The following CISD2 variants were observed in gnomAD, a reference collection of about 807,000 sequenced individuals.
The protein encoded by CISD2 is CDGSH iron sulfur domain 2.
A neutral mutation model predicts 12.9 loss-of-function variants in CISD2; 1 was observed. The ratio of observed to expected loss-of-function variants is 0.08; its 90% CI spans 0.03 to 0.37. The LOEUF is 0.37. Ranked by LOEUF, CISD2 falls within the 10% of genes least tolerant of loss-of-function variation. The probability of loss-of-function intolerance (pLI) is 0.99; values close to 1 mark genes in which losing one functional copy is unlikely to be tolerated. For synonymous variants in CISD2, 50 were observed against 60.6 expected (o/e 0.83, Z 0.81); for missense variants, 97 against 163.1 (o/e 0.59, Z 2.21).
At chr4:102,872,923 G>A (rs1326096739) in intron 1 of CISD2, among the ~76,000 whole-genome samples, 1 of 152,310 alleles carries the variant, frequency 6.6e-6, no homozygotes, top group Admixed American at 6.5e-5. Flanking sequence ...AAGGAAAGAG[G>A]TTTAATCCAC....
rs761904932 is a variant in CISD2, at chr4:102,872,892, C to T, written c.103+3705C>T. On this transcript the variant is annotated intron_variant, in intron 1 of 2. Transcript: ENST00000273986. ...GTTTTCATACTGCTATAAAGAACTA[C>T]GCAAGACTGGGTAATTTATAAAGGA... Among the ~76,000 whole-genome samples, 25 of 152,276 alleles carry T rather than the reference C, an allele frequency of 1.6e-4. No individual in the cohort carries two copies. In the Middle Eastern group the frequency reaches 0.01, roughly 62 times the overall value.
chr4:102,886,589 A>AT (rs1733931360), intron 2 of CISD2, among the ~76,000 whole-genome samples: 2 of 152,090 alleles, frequency 1.3e-5, no homozygotes, highest in Non-Finnish European at 2.9e-5. Context: ...TTATGAGTGA[A>AT]TTTTTTAAAA....
At chr4:102,885,484 G>A (rs988637134) in intron 2 of CISD2, 54 bp downstream of exon 2, 40 of 1,371,814 alleles carry the variant, frequency 2.9e-5, no homozygotes, top group Non-Finnish European at 3.6e-5. Context: ...GGATTGTTTC[G>A]CCTCTTAAAT....
At chr4:102,870,020 T>C (rs1343030994) in intron 1 of CISD2, among the ~76,000 whole-genome samples, 1 of 152,194 alleles carries the variant, frequency 6.6e-6, no homozygotes, top group Non-Finnish European at 1.5e-5. Context: ...GGGGGATATT[T>C]CTAAACGGAA....
chr4:102,873,048 G>T (rs1442210435), intron 1 of CISD2, among the ~76,000 whole-genome samples: 2 of 152,114 alleles, frequency 1.3e-5, no homozygotes, highest in Non-Finnish European at 2.9e-5. Flanking sequence ...GAGCAAAGGA[G>T]GAAGAGCCCC....
intron 1 of CISD2, among the ~76,000 whole-genome samples, chr4:102,871,987 CAACTT>C (rs771600433): frequency 7.9e-5 from 12 of 152,258 alleles, no homozygotes; most frequent in South Asian, 4.1e-4. Context: ...CTATCAGAAA[CAACTT>C]AACTATCTTT....
chr4:102,869,875 T>C (rs1221535446), intron 1 of CISD2, among the ~76,000 whole-genome samples: 1 of 152,170 alleles, frequency 6.6e-6, no homozygotes, highest in African/African-American at 2.4e-5. Flanking sequence ...TTAGTGAATA[T>C]ATGTAACGTT....
chr4:102,869,273 G>C (rs987521573), intron 1 of CISD2, 86 bp downstream of exon 1: 2 of 1,513,936 alleles, frequency 1.3e-6, no homozygotes, highest in East Asian at 2.5e-5. Context: ...GCCAAGGGGC[G>C]GGACGGAGCT....
chr4:102,883,237 T>C (rs1230167050), intron 1 of CISD2, among the ~76,000 whole-genome samples: 1 of 152,142 alleles, frequency 6.6e-6, no homozygotes, highest in Admixed American at 6.5e-5. Flanking sequence ...CCCTTACACA[T>C]GAAGTCAGTA....
intron 1 of CISD2, among the ~76,000 whole-genome samples, chr4:102,871,124 T>A (rs750972266): frequency 1.3e-5 from 2 of 152,222 alleles, no homozygotes; most frequent in Non-Finnish European, 2.9e-5. Context: ...GAATTACCTA[T>A]GTTTTTTCCA....
chr4:102,876,910 G>T (rs2110394587), intron 1 of CISD2, among the ~76,000 whole-genome samples: 1 of 152,296 alleles, frequency 6.6e-6, no homozygotes, highest in African/African-American at 2.4e-5. Context: ...AGAGAAGAGT[G>T]AGGAGTGAAA....
intron 1 of CISD2, among the ~76,000 whole-genome samples, chr4:102,876,545 C>G (rs111858222): frequency 6.6e-6 from 1 of 152,034 alleles, no homozygotes; most frequent in African/African-American, 2.4e-5. Context: ...GTCAGGAGAT[C>G]GAGACCATCC....
chr4:102,888,334 C>T lies in CISD2; in HGVS notation c.*904C>T, dbSNP rs1315051734. 5.9e-5 allele frequency: 9 copies of T among 152,118 alleles called. No homozygotes were observed. Among genetic ancestry groups the T allele is most frequent in the Admixed American group, 5.9e-4 (9 of 15,268 alleles). The allele number at this position is 152,118 out of a possible 1,614,324, so 9.4% of individuals were successfully genotyped here. On this transcript the variant is annotated 3_prime_UTR_variant, in exon 3 of 3. Coordinates refer to ENST00000273986, the MANE Select transcript of CISD2 (RefSeq NM_001008388.5). ...GGGCCACACATATACCAAAATCTGC[C>T]CATACTCAAGTCCCACAGAAAGTCT...
rs933324735 is a variant in CISD2, at chr4:102,869,005, C to T, written c.-80C>T. On this transcript the variant is annotated 5_prime_UTR_variant, in exon 1 of 3. Transcript: ENST00000273986. ...GCCGAGGCCGCCAGTGCCCGCCGGC[C>T]GCTTCCGCTCCCGGCGCAGGCGCGG... 7.6e-6 allele frequency: 11 copies of T among 1,451,172 alleles called. No homozygotes were observed. In the South Asian group the frequency reaches 1.5e-4, roughly 20 times the overall value. The allele number at this position is 1,451,172 out of a possible 1,614,324, so 89.9% of individuals were successfully genotyped here.
intron 1 of CISD2, among the ~76,000 whole-genome samples, chr4:102,875,769 A>C (rs985680193): frequency 1.5e-4 from 23 of 152,230 alleles, no homozygotes; most frequent in Non-Finnish European, 2.9e-5. Flanking sequence ...TTAAGGCAGA[A>C]TGCATTAATA....
At chr4:102,877,452 G>GC (rs1398331077) in intron 1 of CISD2, among the ~76,000 whole-genome samples, 3 of 152,230 alleles carry the variant, frequency 2.0e-5, no homozygotes, top group African/African-American at 7.2e-5. Context: ...GAACACTGAT[G>GC]CCAGGGGTAG....
At position 102,888,902 on chromosome 4, in the gene CISD2, T is replaced by TTTTC. The variant is rs1254511995; in HGVS notation, c.*1476_*1479dup. On this transcript the variant is annotated 3_prime_UTR_variant, in exon 3 of 3. Coordinates refer to ENST00000273986, the MANE Select transcript of CISD2 (RefSeq NM_001008388.5). ...GTTGAGAAAAGACAAATACAAAAGC[T>TTTTC]TTTCTTTAGTCTATTTAAGATACAG... 2 of 152,226 alleles carry TTTTC rather than the reference T, an allele frequency of 1.3e-5. No individual in the cohort carries two copies. Among genetic ancestry groups the TTTTC allele is most frequent in the African/African-American group, 4.8e-5 (2 of 41,456 alleles). The allele number at this position is 152,226 out of a possible 1,614,324, so 9.4% of individuals were successfully genotyped here. A position where few individuals can be genotyped will look rare whatever the true frequency, so the allele number is the denominator to read the frequency against.
intron 1 of CISD2, among the ~76,000 whole-genome samples, chr4:102,872,197 T>C (rs562033241): frequency 7.2e-5 from 11 of 152,154 alleles, no homozygotes; most frequent in Non-Finnish European, 1.6e-4. Flanking sequence ...GCCTCCTAAG[T>C]AGCCGGGACT....
chr4:102,878,318 A>G (rs113642785), intron 1 of CISD2, among the ~76,000 whole-genome samples: 2,788 of 152,036 alleles, frequency 0.018, 80 homozygotes, highest in African/African-American at 0.061. Flanking sequence ...TTTAGTAGAG[A>G]CGGGGTTTCA....
Sources: gnomAD v4.1 joint callset for allele counts (sites outside exome capture counted in the v4.1 genomes callset) on GRCh38, gnomAD v4.1.1 for gene constraint, MANE v1.5 for transcripts, NCBI Gene and HGNC (gene_info 2026-07-23, HGNC 2026-07-21) for gene names.